INTS6: variants seen among roughly 807,000 people sequenced by gnomAD.
INTS6 encodes the protein DEAD box protein.
INTS6 carries 16 observed loss-of-function variants against 104.9 expected under a neutral mutation model. That is an observed-to-expected ratio of 0.15 (90% confidence interval 0.10 to 0.23). INTS6 has a LOEUF of 0.23. Among genes scored for constraint, INTS6 ranks in the 10% least tolerant of loss-of-function variants. The probability of loss-of-function intolerance (pLI) is 1.00; values close to 1 mark genes in which losing one functional copy is unlikely to be tolerated. For missense variants in INTS6, 584 were observed against 1,062.8 expected, an observed-to-expected ratio of 0.55 and a Z score of 6.26; for synonymous variants, 324 against 358.7, an observed-to-expected ratio of 0.90 and a Z score of 1.09.
intron 4 of INTS6, among the ~76,000 whole-genome samples, chr13:51,398,702 A>ATTCTT (rs1956383205): frequency 6.6e-6 from 1 of 151,466 alleles, no homozygotes; most frequent in African/African-American, 2.4e-5. Flanking sequence ...TCCTAGAAGA[A>ATTCTT]CTCTCATATT....
At chr13:51,337,115 T>C in the INTS6 span, among the ~76,000 whole-genome samples, 1 of 152,218 alleles carries the variant, frequency 6.6e-6, no homozygotes, top group African/African-American at 2.4e-5. Flanking sequence ...CAGACTTCTT[T>C]TAACAGTGCC....
intron 7 of INTS6, chr13:51,384,912 A>G (rs1412686140): frequency 5.8e-6 from 2 of 347,028 alleles, no homozygotes; most frequent in East Asian, 1.5e-4. Context: ...TTTAGTTTCT[A>G]ATCAGTCCCT....
chr13:51,380,758 T>C lies in INTS6; in HGVS notation c.1276-1186A>G, dbSNP rs549604530. Among the ~76,000 whole-genome samples, 5 of 152,220 alleles carry C rather than the reference T, an allele frequency of 3.3e-5. No individual in the cohort carries two copies. The South Asian group carries it at 1.0e-3, about 31-fold the overall frequency. On this transcript the variant is annotated intron_variant, in intron 10 of 17. Transcript: ENST00000311234. ...AAAAAGTTATCTTTCACAAACTAAA[T>C]CATGTATTTAATAAAATGCACATTA...
intron 4 of INTS6, among the ~76,000 whole-genome samples, chr13:51,415,342 T>C (rs1358345193): frequency 6.6e-6 from 1 of 152,136 alleles, no homozygotes; most frequent in Non-Finnish European, 1.5e-5. Flanking sequence ...ATAATAATAA[T>C]GGTGATTGAT....
At chr13:51,368,069 G>A (rs1955728636) in intron 16 of INTS6, among the ~76,000 whole-genome samples, 171 bp from the exon 17 acceptor site, 1 of 152,020 alleles carries the variant, frequency 6.6e-6, no homozygotes, top group Admixed American at 6.6e-5. Flanking sequence ...GTAAAAGTAA[G>A]TACACAGCAA....
chr13:51,449,684 A>C, intron 3 of INTS6: 1 of 985,178 alleles, frequency 1.0e-6, no homozygotes, highest in Non-Finnish European at 1.2e-6. Context: ...AACCTTAAGC[A>C]GTAAGACTGT....
chr13:51,450,849 G>A (rs1953027343), intron 3 of INTS6, 176 bp downstream of exon 3: 2 of 1,223,924 alleles, frequency 1.6e-6, no homozygotes, highest in Non-Finnish European at 2.0e-6. Context: ...GGGAAAAAAT[G>A]AGGGATGTAA....
downstream of INTS6, among the ~76,000 whole-genome samples, chr13:51,350,889 T>C (rs868465969): frequency 5.9e-5 from 9 of 152,330 alleles, no homozygotes; most frequent in African/African-American, 1.7e-4. Flanking sequence ...TACAATTACA[T>C]ATTGTACAAT....
At chr13:51,373,355 A>G (rs2137881175) in intron 15 of INTS6, among the ~76,000 whole-genome samples, 1 of 152,304 alleles carries the variant, frequency 6.6e-6, no homozygotes, top group South Asian at 2.1e-4. Flanking sequence ...GTTTCCCTAC[A>G]TTCATTCTTG....
chr13:51,357,391 C>A (rs79174488), downstream of INTS6, among the ~76,000 whole-genome samples: 12 of 152,206 alleles, frequency 7.9e-5, no homozygotes, highest in African/African-American at 2.4e-4. Context: ...TCAGCAGAGA[C>A]CTTGCCAGAG....
At chr13:51,416,440 G>A (rs1255119569) in intron 4 of INTS6, among the ~76,000 whole-genome samples, 1 of 152,102 alleles carries the variant, frequency 6.6e-6, no homozygotes, top group African/African-American at 2.4e-5. Context: ...CTGTTTCTAT[G>A]GATTTGCCTA....
At chr13:51,388,995 T>C (rs1956196856) in intron 6 of INTS6, among the ~76,000 whole-genome samples, 1 of 152,212 alleles carries the variant, frequency 6.6e-6, no homozygotes, top group African/African-American at 2.4e-5. Flanking sequence ...TTAAAGGGCA[T>C]AGGAGAAGCA....
rs1953086066 is a variant in INTS6, at chr13:51,452,553, AGGT to A, written c.-31_-29del. 8.1e-6 allele frequency: 13 copies of A among 1,605,130 alleles called. No individual in the cohort carries two copies. Among genetic ancestry groups the A allele is most frequent in the Non-Finnish European group, 1.1e-5 (13 of 1,174,928 alleles). On this transcript the variant is annotated 5_prime_UTR_variant, in exon 1 of 18. Transcript: ENST00000311234. The surrounding 1 kb of genome is among the most constrained non-coding windows in gnomAD (Gnocchi z 4.2). ...TGCTGGCCGGGGACACCGGGGCCCG[AGGT>A]GGTGGAGAAAGAGGAGATGGTAGAG...
chr13:51,365,495 G>A lies in INTS6; in HGVS notation c.*257C>T. 4.8e-6 allele frequency: 1 copy of A among 207,256 alleles called. No individual in the cohort carries two copies. The highest frequency in any genetic ancestry group is 9.7e-6 in the Non-Finnish European group (1 of 102,620). 12.8% of individuals were successfully genotyped at this position (207,256 alleles called of 1,614,324 possible). ...ATTGACACGCAAGAGTCAATGACAA[G>A]CAAGAGATTTGGAGGAATATTTTTA... is the stretch of plus-strand genomic sequence containing the variant. On this transcript the variant is annotated 3_prime_UTR_variant, in exon 18 of 18. Coordinates refer to ENST00000311234, the MANE Select transcript of INTS6 (RefSeq NM_012141.3).
chr13:51,405,945 T>G (rs1379645772), intron 4 of INTS6, among the ~76,000 whole-genome samples: 1 of 152,194 alleles, frequency 6.6e-6, no homozygotes, highest in Non-Finnish European at 1.5e-5. Flanking sequence ...AGTCATTAAA[T>G]CCATTGGAGA....
chr13:51,374,514 T>A, intron 14 of INTS6, 75 bp from the exon 15 acceptor site: 2 of 1,519,582 alleles, frequency 1.3e-6, no homozygotes, highest in Middle Eastern at 3.4e-4. Flanking sequence ...TCAATTCCAA[T>A]GAAGGTAACT....
intron 4 of INTS6, among the ~76,000 whole-genome samples, chr13:51,429,767 A>G (rs1455088759): frequency 1.6e-5 from 2 of 127,198 alleles, no homozygotes; most frequent in Non-Finnish European, 3.2e-5. Flanking sequence ...CTGTCTCAAA[A>G]AAAAAAAAAA....
At chr13:51,341,388 T>C in the INTS6 span, 1 of 1,531,340 alleles carries the variant, frequency 6.5e-7, no homozygotes, top group Non-Finnish European at 8.8e-7. Context: ...TACCCTCCTG[T>C]TCACACTCAC....
intron 3 of INTS6, chr13:51,440,470 A>T (rs1465527238): frequency 6.6e-6 from 1 of 152,202 alleles, no homozygotes; most frequent in Non-Finnish European, 1.5e-5. Context: ...GCCTAAGTGT[A>T]CAGTTTATAA....
Sources: allele counts gnomAD v4.1 joint callset (sites outside exome capture counted in the v4.1 genomes callset), GRCh38; gene constraint gnomAD v4.1.1; non-coding constraint Gnocchi (gnomAD v3.1); transcripts MANE v1.5; gene names NCBI Gene and HGNC (gene_info 2026-07-23, HGNC 2026-07-21).